ASTN2: variants seen among roughly 807,000 people sequenced by gnomAD.
The protein encoded by ASTN2 is astrotactin 2, also known as astrotactin-2.
In ASTN2, 54 loss-of-function variants were observed where a neutral mutation model predicts 139.8. That is an observed-to-expected ratio of 0.39 (90% confidence interval 0.31 to 0.48). The LOEUF is 0.48. Among genes scored for constraint, ASTN2 ranks in the 20% least tolerant of loss-of-function variants. The pLI is 0.95. For missense variants in ASTN2, 1,565 were observed against 1,725.1 expected (o/e 0.91, Z 1.64); for synonymous variants, 756 against 719.5 (o/e 1.05, Z -0.81).
chr9:116,508,311 C>T (rs1337136088), intron 19 of ASTN2, among the ~76,000 whole-genome samples: 4 of 152,208 alleles, frequency 2.6e-5, no homozygotes, highest in Non-Finnish European at 5.9e-5. Flanking sequence ...ACATATTACA[C>T]ATTCAGTGCA....
intron 10 of ASTN2, among the ~76,000 whole-genome samples, chr9:116,971,288 G>A (rs902871303): frequency 1.3e-5 from 2 of 152,160 alleles, no homozygotes; most frequent in African/African-American, 4.8e-5. Context: ...GAGCTGTCCA[G>A]GGGAGAGTTT....
At chr9:116,859,405 G>A (rs1832821235) in intron 11 of ASTN2, among the ~76,000 whole-genome samples, 1 of 152,110 alleles carries the variant, frequency 6.6e-6, no homozygotes, top group Admixed American at 6.6e-5. Flanking sequence ...CCAGAAAGCT[G>A]AGCAAAAATA....
At chr9:116,773,850 T>C (rs1242058520) in intron 13 of ASTN2, among the ~76,000 whole-genome samples, 1 of 152,126 alleles carries the variant, frequency 6.6e-6, no homozygotes, top group African/African-American at 2.4e-5. Context: ...ATACAGATAT[T>C]TAGCCTAGAT....
intron 19 of ASTN2, among the ~76,000 whole-genome samples, chr9:116,544,437 G>A (rs1852006641): frequency 6.6e-6 from 1 of 152,092 alleles, no homozygotes; most frequent in Admixed American, 6.6e-5. Context: ...GATAGTAGTA[G>A]GTCTTTCCCT....
Position 116,790,962 on chromosome 9 carries a change from A to AGAAG in ASTN2, c.2396+14666_2396+14669dup, listed in dbSNP as rs1488773987. On this transcript the variant is annotated intron_variant, in intron 13 of 22. Transcript: ENST00000313400. ...AGAAAGAAAGAAAGAAAGAAAAGAA[A>AGAAG]GAAGGAAAGAAAGAAAGAAAGAAAG... is the stretch of plus-strand genomic sequence containing the variant. Among the ~76,000 whole-genome samples the AGAAG allele has an allele frequency of 1.1e-3, 134 of 123,388 alleles. 2 individuals carry two copies. Among genetic ancestry groups the AGAAG allele is most frequent in the African/African-American group, 4.3e-3 (130 of 30,080 alleles). The allele number at this position is 123,388 out of a possible 152,430, so 80.9% of individuals were successfully genotyped here. A position where few individuals can be genotyped will look rare whatever the true frequency, so the allele number is the denominator to read the frequency against.
At chr9:117,247,315 C>G (rs1457775942) in intron 2 of ASTN2, among the ~76,000 whole-genome samples, 2 of 152,174 alleles carry the variant, frequency 1.3e-5, no homozygotes, top group African/African-American at 4.8e-5. Context: ...CTGCCAATAC[C>G]ATTTGTCACC....
At position 116,923,591 on chromosome 9, in the gene ASTN2, G is replaced by C. The variant is rs111399594; in HGVS notation, c.1889+51617C>G. Among the ~76,000 whole-genome samples, 153 of 152,340 alleles carry C rather than the reference G, an allele frequency of 1.0e-3. 1 individual carries two copies. Among genetic ancestry groups the C allele is most frequent in the African/African-American group, 3.3e-3 (138 of 41,584 alleles). ...GTGTTCTTTGATGAGGCTTGGCAGA[G>C]ACGTACACCAACTTTCCTCAGCTTT... On this transcript the variant is annotated intron_variant, in intron 10 of 22. Transcript: ENST00000313400.
chr9:117,378,395 T>C (rs1261550270), intron 1 of ASTN2, among the ~76,000 whole-genome samples: 1 of 152,190 alleles, frequency 6.6e-6, no homozygotes, highest in African/African-American at 2.4e-5. Flanking sequence ...GAATAATGTG[T>C]TGTGGTGGTC....
chr9:116,830,467 T>A (rs1831774646), intron 11 of ASTN2, among the ~76,000 whole-genome samples: 1 of 152,010 alleles, frequency 6.6e-6, no homozygotes, highest in Admixed American at 6.6e-5. Context: ...GCAATCCCAC[T>A]ATTGGGTATA....
At chr9:117,097,577 T>C (rs1248616453) in intron 4 of ASTN2, among the ~76,000 whole-genome samples, 1 of 152,160 alleles carries the variant, frequency 6.6e-6, no homozygotes, top group African/African-American at 2.4e-5. Context: ...GACTTAAGAA[T>C]CTGGTAAAAA....
chr9:117,106,580 ATATT>A (rs1392610071), intron 4 of ASTN2, among the ~76,000 whole-genome samples: 4 of 152,314 alleles, frequency 2.6e-5, no homozygotes, highest in African/African-American at 7.2e-5. Flanking sequence ...AAGTCAGTAC[ATATT>A]TATTGTAGAA....
chr9:117,318,778 C>T (rs919042732), intron 1 of ASTN2, among the ~76,000 whole-genome samples: 1 of 152,156 alleles, frequency 6.6e-6, no homozygotes, highest in Non-Finnish European at 1.5e-5. Context: ...CATGCCTGAG[C>T]AATCAGCTGC....
intron 7 of ASTN2, among the ~76,000 whole-genome samples, chr9:116,987,578 A>T (rs1343746289): frequency 1.3e-5 from 2 of 152,226 alleles, no homozygotes; most frequent in African/African-American, 4.8e-5. Context: ...TGGAACTGTG[A>T]GTCAATTAAA....
At chr9:116,662,751 A>T (rs10983296) in intron 16 of ASTN2, among the ~76,000 whole-genome samples, 1 of 152,188 alleles carries the variant, frequency 6.6e-6, no homozygotes, top group South Asian at 2.1e-4. Context: ...AGAAGACAGA[A>T]AAGAAAATCA....
intron 2 of ASTN2, among the ~76,000 whole-genome samples, chr9:117,261,019 T>G (rs764814425): frequency 1.3e-5 from 2 of 152,206 alleles, no homozygotes; most frequent in Non-Finnish European, 2.9e-5. Context: ...AATTGTAAAG[T>G]GAAGACATTA....
intron 2 of ASTN2, among the ~76,000 whole-genome samples, chr9:117,259,037 T>C (rs1215662200): frequency 6.6e-6 from 1 of 152,128 alleles, no homozygotes; most frequent in African/African-American, 2.4e-5. Context: ...TAAAAATAGC[T>C]CTTTCACAGA....
intron 2 of ASTN2, among the ~76,000 whole-genome samples, chr9:117,229,020 C>T (rs1432989512): frequency 6.6e-6 from 1 of 151,558 alleles, no homozygotes; most frequent in Admixed American, 6.6e-5. Context: ...CAAAACAAAA[C>T]AAAACAAACA....
intron 5 of ASTN2, among the ~76,000 whole-genome samples, chr9:117,065,754 C>T (rs1827919347): frequency 6.6e-6 from 1 of 152,200 alleles, no homozygotes; most frequent in African/African-American, 2.4e-5. Flanking sequence ...CTATGCCTAT[C>T]TATCAACCTT....
chr9:116,661,240 TCTC>T (rs1201959120), intron 16 of ASTN2, among the ~76,000 whole-genome samples: 1 of 152,064 alleles, frequency 6.6e-6, no homozygotes, highest in Non-Finnish European at 1.5e-5. Context: ...TCATATGTGA[TCTC>T]CTGCTGCCCT....
Sources: gnomAD v4.1 joint callset for allele counts (sites outside exome capture counted in the v4.1 genomes callset) on GRCh38, gnomAD v4.1.1 for gene constraint, MANE v1.5 for transcripts, NCBI Gene and HGNC (gene_info 2026-07-23, HGNC 2026-07-21) for gene names.